CUBN: variants seen among roughly 807,000 people sequenced by gnomAD.
CUBN encodes the protein 460 kDa receptor.
In CUBN, 282 loss-of-function variants were observed where a neutral mutation model predicts 405.3. That is an observed-to-expected ratio of 0.70 (90% confidence interval 0.63 to 0.77). The LOEUF is 0.77. Among genes scored for constraint, CUBN ranks in the 30% least tolerant of loss-of-function variants. The pLI is 0.00. For missense variants in CUBN, 4,514 were observed against 4,475.2 expected (o/e 1.01, Z -0.25); for synonymous variants, 1,684 against 1,617.0 (o/e 1.04, Z -0.99).
intron 45 of CUBN, 148 bp from the exon 46 acceptor site, chr10:16,916,178 T>C: frequency 1.4e-6 from 1 of 702,014 alleles, no homozygotes; most frequent in Non-Finnish European, 2.4e-6. Flanking sequence ...TTAAAAATTC[T>C]GAAAACGGTT....
chr10:16,916,460 T>A (rs1225219320), intron 45 of CUBN, among the ~76,000 whole-genome samples: 1 of 152,222 alleles, frequency 6.6e-6, no homozygotes, highest in Non-Finnish European at 1.5e-5. Context: ...TGGGGACACC[T>A]GCCATTCCTA....
intron 8 of CUBN, 51 bp from the exon 9 acceptor site, chr10:17,111,101 G>T: frequency 1.2e-6 from 2 of 1,600,498 alleles, no homozygotes; most frequent in Non-Finnish European, 1.7e-6. Flanking sequence ...AAGTCAACAA[G>T]GAAGAAATAC....
At chr10:17,040,666 G>C (rs1834998243) in intron 27 of CUBN, among the ~76,000 whole-genome samples, 1 of 151,828 alleles carries the variant, frequency 6.6e-6, no homozygotes, top group South Asian at 2.1e-4. Context: ...CCTCATACTA[G>C]AAAAATGACA....
At chr10:16,966,134 T>G (rs1158909098) in intron 31 of CUBN, among the ~76,000 whole-genome samples, 2 of 152,204 alleles carry the variant, frequency 1.3e-5, no homozygotes, top group East Asian at 3.9e-4. Context: ...CATCTGAACC[T>G]GCAATCAAGC....
intron 59 of CUBN, among the ~76,000 whole-genome samples, chr10:16,867,250 GAC>G (rs1264745341): frequency 1.3e-5 from 2 of 151,936 alleles, no homozygotes; most frequent in African/African-American, 4.8e-5. Context: ...TCAGGGGAAA[GAC>G]AGAGTTGTTT....
chr10:16,909,876 G>A (rs1184434663), intron 48 of CUBN, among the ~76,000 whole-genome samples: 1 of 152,190 alleles, frequency 6.6e-6, no homozygotes, highest in Admixed American at 6.5e-5. Flanking sequence ...CACACTGGGT[G>A]GCATAGCTTT....
chr10:17,072,310 G>A (rs942922553), intron 17 of CUBN, among the ~76,000 whole-genome samples: 3 of 152,134 alleles, frequency 2.0e-5, no homozygotes, highest in African/African-American at 2.4e-5. Flanking sequence ...AAAAATACAC[G>A]TGTTAGCCAA....
chr10:17,085,852 TA>T, intron 15 of CUBN, 93 bp from the exon 16 acceptor site: 4 of 1,190,088 alleles, frequency 3.4e-6, no homozygotes, highest in Non-Finnish European at 4.9e-6. Flanking sequence ...ATCTATCATT[TA>T]AAAGTGATCG....
chr10:17,088,824 C>A (rs1836186731), intron 14 of CUBN, among the ~76,000 whole-genome samples: 1 of 152,172 alleles, frequency 6.6e-6, no homozygotes, highest in African/African-American at 2.4e-5. Flanking sequence ...TTAAAACATT[C>A]ATTTAATAAA....
In CUBN at chr10:17,114,115, G is replaced by GTC; in HGVS notation, c.793_794dup (p.Asp265GlufsTer48). ...AAGGCCCGGGCTGGAAGCTGCACTC[G>GTC]TCTCTGTCCAGCGTGCAGGCAGGGC... On this transcript the variant is annotated frameshift_variant, in exon 8 of 67. Coordinates refer to ENST00000377833, the MANE Select transcript of CUBN (RefSeq NM_001081.4). LOFTEE classifies it high-confidence loss of function. 2 of 1,613,552 alleles carry GTC rather than the reference G, an allele frequency of 1.2e-6. No homozygotes were observed. Among genetic ancestry groups the GTC allele is most frequent in the Non-Finnish European group, 1.7e-6 (2 of 1,179,782 alleles).
intron 31 of CUBN, among the ~76,000 whole-genome samples, chr10:16,960,327 A>T (rs1023183289): frequency 6.6e-6 from 1 of 152,180 alleles, no homozygotes; most frequent in East Asian, 1.9e-4. Context: ...CCCCATCTCT[A>T]TTAAAAATAC....
intron 56 of CUBN, among the ~76,000 whole-genome samples, chr10:16,887,784 T>C (rs1273111960): frequency 3.3e-5 from 5 of 152,208 alleles, no homozygotes; most frequent in Admixed American, 3.3e-4. Context: ...GTCGTGTTCA[T>C]TGCAGCATGA....
At chr10:17,124,215 G>A (rs753786578) in intron 4 of CUBN, among the ~76,000 whole-genome samples, 1 of 151,978 alleles carries the variant, frequency 6.6e-6, no homozygotes, top group Admixed American at 6.6e-5. Context: ...TTAGAAATGT[G>A]GCCAGCTAAG....
intron 63 of CUBN, among the ~76,000 whole-genome samples, chr10:16,835,602 C>T (rs1564376824): frequency 8.0e-6 from 1 of 125,090 alleles, no homozygotes; most frequent in Non-Finnish European, 1.7e-5. Context: ...TGTGGCAAAT[C>T]GTTATTTACC....
chr10:17,074,613 C>G (rs772655343), intron 17 of CUBN, among the ~76,000 whole-genome samples: 1 of 152,182 alleles, frequency 6.6e-6, no homozygotes, highest in Non-Finnish European at 1.5e-5. Flanking sequence ...GGAAATCTGT[C>G]AAGAGTTAGT....
At chr10:16,858,941 A>C (rs1839940219) in intron 59 of CUBN, among the ~76,000 whole-genome samples, 1 of 152,250 alleles carries the variant, frequency 6.6e-6, no homozygotes, top group African/African-American at 2.4e-5. Context: ...ACTGACTTCC[A>C]CCTAAATCTC....
intron 59 of CUBN, 72 bp downstream of exon 59, chr10:16,869,564 G>GA: frequency 1.0e-6 from 1 of 986,496 alleles, no homozygotes; most frequent in East Asian, 2.5e-5. Context: ...GGGTGGGGGG[G>GA]GGGCGGGGAA....
Position 16,831,241 on chromosome 10 carries a change from A to C in CUBN, c.10528+11T>G, listed in dbSNP as rs1838980715. ...CACAGTGCTTTCCTGTACAAAGTGC[A>C]AATGTCTTACCAGAGGGTGATGAAG... is the stretch of plus-strand genomic sequence containing the variant. On this transcript the variant is annotated intron_variant, in intron 65 of 66. Transcript: ENST00000377833. The C allele has an allele frequency of 6.2e-7, 1 of 1,613,598 alleles. No individual in the cohort carries two copies. The highest frequency in any genetic ancestry group is 1.3e-5 in the African/African-American group (1 of 74,938).
intron 59 of CUBN, among the ~76,000 whole-genome samples, chr10:16,862,160 T>TCTCACACACACACACACACA (rs144560387): frequency 4.3e-4 from 57 of 131,200 alleles, no homozygotes; most frequent in African/African-American, 1.8e-3. Context: ...TCTCTCTCTC[T>TCTCACACACACACACACACA]CACACACACA....
Sources: gnomAD v4.1 joint callset for allele counts (sites outside exome capture counted in the v4.1 genomes callset) on GRCh38, gnomAD v4.1.1 for gene constraint, MANE v1.5 for transcripts, NCBI Gene and HGNC (gene_info 2026-07-23, HGNC 2026-07-21) for gene names.